NR3C2: variants seen among roughly 807,000 people sequenced by gnomAD.
NR3C2 encodes the protein nuclear receptor subfamily 3 group C member 2, also known as mineralocorticoid receptor.
Under a neutral mutation model 86.4 loss-of-function variants are expected in NR3C2, and 15 were observed. The observed-to-expected ratio is 0.17, with a 90% CI of 0.12 to 0.27. NR3C2 has a LOEUF of 0.27. Among genes scored for constraint, NR3C2 ranks in the 10% least tolerant of loss-of-function variants. NR3C2 has a pLI of 1.00. For synonymous variants in NR3C2, 458 were observed against 450.5 expected, an observed-to-expected ratio of 1.02 and a Z score of -0.21; for missense variants, 960 against 1,195.6, an observed-to-expected ratio of 0.80 and a Z score of 2.91.
chr4:148,216,409 A>G (rs530967490), intron 3 of NR3C2, among the ~76,000 whole-genome samples: 70 of 152,174 alleles, frequency 4.6e-4, no homozygotes, highest in Non-Finnish European at 7.8e-4. Flanking sequence ...CAGTCTTAGC[A>G]TCTCCATTTT....
At chr4:148,241,872 T>C (rs1008663925) in intron 3 of NR3C2, among the ~76,000 whole-genome samples, 26 of 152,174 alleles carry the variant, frequency 1.7e-4, no homozygotes, top group African/African-American at 5.6e-4. Flanking sequence ...GCAAATCATA[T>C]TGTAGGGAGT....
intron 2 of NR3C2, among the ~76,000 whole-genome samples, chr4:148,363,082 A>G (rs114359998): frequency 2.1e-3 from 318 of 152,278 alleles, no homozygotes; most frequent in African/African-American, 7.4e-3. Flanking sequence ...CTCCATCCAT[A>G]AAGTGGAGAG....
intron 3 of NR3C2, among the ~76,000 whole-genome samples, chr4:148,206,630 T>G (rs929371213): frequency 3.9e-5 from 6 of 152,184 alleles, no homozygotes; most frequent in Admixed American, 3.3e-4. Flanking sequence ...GTTAGAACTT[T>G]GTATATGGTT....
At position 148,079,955 on chromosome 4, in the gene NR3C2, A is replaced by AGAG. The variant is rs1298439025; in HGVS notation, c.*1386_*1388dup. On this transcript the variant is annotated 3_prime_UTR_variant, in exon 9 of 9. Coordinates refer to ENST00000358102, the MANE Select transcript of NR3C2 (RefSeq NM_000901.5). The stretch of plus-strand genomic sequence containing the variant: ...GGAATAGCTGATCTTTAACAGAGAG[A>AGAG]GAGTGCATGGAATTTTTTTTTCCCA... The AGAG allele has an allele frequency of 1.3e-5, 2 of 152,144 alleles. No homozygotes were observed. Among genetic ancestry groups the AGAG allele is most frequent in the African/African-American group, 4.8e-5 (2 of 41,402 alleles). 9.4% of individuals were successfully genotyped at this position (152,144 alleles called of 1,614,324 possible).
intron 3 of NR3C2, among the ~76,000 whole-genome samples, chr4:148,207,000 C>G (rs1419669455): frequency 6.6e-6 from 1 of 152,088 alleles, no homozygotes; most frequent in African/African-American, 2.4e-5. Context: ...CAGCTCACTG[C>G]AGCCTTGATC....
At chr4:148,318,986 C>T (rs1275218834) in intron 2 of NR3C2, among the ~76,000 whole-genome samples, 16 of 151,434 alleles carry the variant, frequency 1.1e-4, no homozygotes, top group Non-Finnish European at 2.9e-5. Context: ...CCTAGGTTTT[C>T]TTCTAGGGTT....
intron 2 of NR3C2, among the ~76,000 whole-genome samples, chr4:148,370,505 T>C (rs912170092): frequency 2.0e-5 from 3 of 152,202 alleles, no homozygotes; most frequent in Non-Finnish European, 4.4e-5. Flanking sequence ...TAACTTTTTT[T>C]CAAATACTGT....
chr4:148,160,851 A>G (rs1396035026), intron 4 of NR3C2, among the ~76,000 whole-genome samples: 2 of 152,134 alleles, frequency 1.3e-5, no homozygotes, highest in Non-Finnish European at 2.9e-5. Context: ...ATGGGGCACG[A>G]ATTTCAGCCC....
At position 148,080,761 on chromosome 4, in the gene NR3C2, G is replaced by T; in HGVS notation, c.*583C>A. The T allele has an allele frequency of 2.7e-6, 1 of 369,510 alleles. No homozygotes were observed. Among genetic ancestry groups the T allele is most frequent in the Non-Finnish European group, 5.6e-6 (1 of 177,110 alleles). 22.9% of individuals were successfully genotyped at this position (369,510 alleles called of 1,614,324 possible). ...TTAAATAAGAAATGGACGCTAACGA[G>T]TGTGTATACCAGTGATGCAGAAGAC... On this transcript the variant is annotated 3_prime_UTR_variant, in exon 9 of 9. Transcript: ENST00000358102.
intron 2 of NR3C2, among the ~76,000 whole-genome samples, chr4:148,293,828 C>T (rs146159664): frequency 6.6e-6 from 1 of 152,238 alleles, no homozygotes; most frequent in East Asian, 1.9e-4. Context: ...GTAATGGTTA[C>T]AAAAGTCTTC....
At chr4:148,416,379 T>C (rs1164466503) in intron 2 of NR3C2, among the ~76,000 whole-genome samples, 1 of 152,254 alleles carries the variant, frequency 6.6e-6, no homozygotes, top group East Asian at 1.9e-4. Context: ...TTACATATTC[T>C]AACTAACTCA....
chr4:148,123,986 C>A (rs1284604467), intron 6 of NR3C2, among the ~76,000 whole-genome samples: 1 of 152,166 alleles, frequency 6.6e-6, no homozygotes, highest in Non-Finnish European at 1.5e-5. Context: ...TGCTTGTAAT[C>A]CTAGCACTTT....
At chr4:148,433,291 T>G (rs1392210292) in intron 2 of NR3C2, among the ~76,000 whole-genome samples, 2 of 152,138 alleles carry the variant, frequency 1.3e-5, no homozygotes, top group African/African-American at 4.8e-5. Context: ...CTCAAAGCAA[T>G]AGTTTTCAAA....
At chr4:148,134,364 G>A (rs929955389) in intron 6 of NR3C2, among the ~76,000 whole-genome samples, 10 of 152,128 alleles carry the variant, frequency 6.6e-5, no homozygotes, top group African/African-American at 2.2e-4. Flanking sequence ...TGAATACAAT[G>A]ATTATTCAAT....
intron 2 of NR3C2, among the ~76,000 whole-genome samples, chr4:148,370,564 G>C (rs1310127310): frequency 6.6e-6 from 1 of 152,028 alleles, no homozygotes; most frequent in Non-Finnish European, 1.5e-5. Flanking sequence ...GACGTGTATT[G>C]TTAGGAGTAA....
intron 8 of NR3C2, among the ~76,000 whole-genome samples, chr4:148,088,517 A>G (rs1036358606): frequency 6.6e-6 from 1 of 152,218 alleles, no homozygotes; most frequent in Non-Finnish European, 1.5e-5. Flanking sequence ...CATACACACC[A>G]TGGAATACTA....
intron 2 of NR3C2, among the ~76,000 whole-genome samples, chr4:148,411,589 G>A (rs1275731931): frequency 1.3e-5 from 2 of 152,060 alleles, no homozygotes; most frequent in Non-Finnish European, 2.9e-5. Flanking sequence ...GCATCACAAG[G>A]TCTATATTGC....
intron 8 of NR3C2, among the ~76,000 whole-genome samples, chr4:148,081,728 G>A (rs1730570458): frequency 6.6e-6 from 1 of 152,226 alleles, no homozygotes; most frequent in African/African-American, 2.4e-5. Flanking sequence ...GCTGAGAGCT[G>A]AATTTTGAGC....
intron 2 of NR3C2, among the ~76,000 whole-genome samples, chr4:148,295,962 T>C (rs1333645773): frequency 7.1e-6 from 1 of 140,450 alleles, no homozygotes; most frequent in Non-Finnish European, 1.5e-5. Context: ...TCCAGAAACA[T>C]GGCAAACATG....
Sources: gnomAD v4.1 joint callset for allele counts (sites outside exome capture counted in the v4.1 genomes callset) on GRCh38, gnomAD v4.1.1 for gene constraint, MANE v1.5 for transcripts, NCBI Gene and HGNC (gene_info 2026-07-23, HGNC 2026-07-21) for gene names.